Variants in CHD6 observed in about 807,000 individuals in gnomAD.
The protein encoded by CHD6 is chromodomain helicase DNA binding protein 6, also known as ATP-dependent chromatin remodeler CHD6.
Under a neutral mutation model 276.9 loss-of-function variants are expected in CHD6, and 50 were observed. The ratio of observed to expected loss-of-function variants is 0.18; its 90% CI spans 0.14 to 0.23. The LOEUF (loss-of-function observed/expected upper bound fraction) is 0.23, where lower values mean the gene tolerates loss of function less well. Ranked by LOEUF, CHD6 falls within the 10% of genes least tolerant of loss-of-function variation. The probability of loss-of-function intolerance (pLI) is 1.00; values close to 1 mark genes in which losing one functional copy is unlikely to be tolerated. For missense variants in CHD6, 2,564 were observed against 3,365.8 expected (o/e 0.76, Z 5.89); for synonymous variants, 1,173 against 1,229.3 (o/e 0.95, Z 0.96).
intron 1 of CHD6, among the ~76,000 whole-genome samples, chr20:41,594,660 T>C (rs2045699105): frequency 6.6e-6 from 1 of 152,260 alleles, no homozygotes; most frequent in Admixed American, 6.5e-5. Flanking sequence ...TCCTGCTTAA[T>C]CTGTAATGAA....
At chr20:41,604,020 TG>T (rs2045800973) in intron 1 of CHD6, among the ~76,000 whole-genome samples, 2 of 23,970 alleles carry the variant, frequency 8.3e-5, no homozygotes, top group Non-Finnish European at 1.6e-4. Flanking sequence ...ATAGGAAGGG[TG>T]GGGGTGGGTA....
Position 41,404,423 on chromosome 20 carries a change from G to GT in CHD6, c.*169_*170insA. ...GACAACACTTATCTAATGAAGTGGTGAGACCCTGCAACTATTAACATCTGT... is the reference window on the plus strand; with the variant it reads ...GACAACACTTATCTAATGAAGTGGTGTAGACCCTGCAACTATTAACATCTGT... On this transcript the variant is annotated 3_prime_UTR_variant, in exon 37 of 37. Transcript: ENST00000373233. 41 of 1,317,120 alleles carry GT rather than the reference G, an allele frequency of 3.1e-5. No homozygotes were observed. The highest frequency in any genetic ancestry group is 2.6e-4 in the South Asian group (9 of 34,528). The allele number at this position is 1,317,120 out of a possible 1,614,324, so 81.6% of individuals were successfully genotyped here. A position where few individuals can be genotyped will look rare whatever the true frequency, so the allele number is the denominator to read the frequency against.
Position 41,533,151 on chromosome 20 carries a change from T to G in CHD6, c.453A>C (p.Ala151=). 1.2e-6 allele frequency: 2 copies of G among 1,614,172 alleles called. No homozygotes were observed. The highest frequency in any genetic ancestry group is 1.7e-6 in the Non-Finnish European group (2 of 1,180,028). Residue 151 remains alanine, a synonymous_variant, in exon 3 of 37, where the codon GCA becomes GCC. Coordinates refer to ENST00000373233, the MANE Select transcript of CHD6 (RefSeq NM_032221.5). ...EHKEPKQKDG[A]KKARKPREAS... is the part of the protein sequence containing the mutation. ...CCTCCCGGGGCTTCCGTGCCTTCTTTGCCCCATCTTTTTGCTTCGGCTCCT... is the reference window on the plus strand; with the variant it reads ...CCTCCCGGGGCTTCCGTGCCTTCTTGGCCCCATCTTTTTGCTTCGGCTCCT...
At position 41,489,617 on chromosome 20, in the gene CHD6, C is replaced by T. The variant is rs371483147; in HGVS notation, c.1680+161G>A. Among the ~76,000 whole-genome samples the T allele has an allele frequency of 3.9e-5, 6 of 152,164 alleles. No homozygotes were observed. The East Asian group carries it at 5.8e-4, about 15-fold the overall frequency. Reference sequence around the variant, plus strand: ...TCCTGTGTTGTATCATAAATTAAAACGAGCTACCAGGGAGAGCAGGAGTCA... The same window carrying T: ...TCCTGTGTTGTATCATAAATTAAAATGAGCTACCAGGGAGAGCAGGAGTCA... On this transcript the variant is annotated intron_variant, in intron 12 of 36. Coordinates refer to ENST00000373233, the MANE Select transcript of CHD6 (RefSeq NM_032221.5).
chr20:41,525,098 C>T (rs1184519684), intron 3 of CHD6, among the ~76,000 whole-genome samples: 3 of 152,172 alleles, frequency 2.0e-5, no homozygotes, highest in African/African-American at 4.8e-5. Flanking sequence ...GCTTTCTCTA[C>T]AAGCCTCGCC....
intron 5 of CHD6, 117 bp downstream of exon 5, chr20:41,512,729 A>G: frequency 8.4e-7 from 1 of 1,192,810 alleles, no homozygotes; most frequent in Non-Finnish European, 1.2e-6. Context: ...ATCGAAGGCC[A>G]CAAGCAGCAG....
intron 1 of CHD6, among the ~76,000 whole-genome samples, chr20:41,553,041 A>G (rs1193769700): frequency 2.6e-5 from 4 of 152,246 alleles, no homozygotes; most frequent in Non-Finnish European, 4.4e-5. Context: ...GAAAAAAATT[A>G]TCTCCTAAGC....
intron 27 of CHD6, among the ~76,000 whole-genome samples, chr20:41,427,830 A>C (rs958233541): frequency 1.2e-3 from 181 of 152,244 alleles, no homozygotes; most frequent in Non-Finnish European, 5.4e-4. Flanking sequence ...AAAACAACCT[A>C]CTATGCCTTA....
chr20:41,602,635 T>A (rs557430859), intron 1 of CHD6, among the ~76,000 whole-genome samples: 1 of 152,280 alleles, frequency 6.6e-6, no homozygotes, highest in East Asian at 1.9e-4. Flanking sequence ...GTCAGTGGGG[T>A]CATCACCAGC....
chr20:41,454,128 G>A (rs1012346767), intron 20 of CHD6, among the ~76,000 whole-genome samples: 6 of 152,244 alleles, frequency 3.9e-5, no homozygotes, highest in Middle Eastern at 6.8e-3. Flanking sequence ...TAATCTCAGC[G>A]GGGGTCAAAA....
Position 41,616,942 on chromosome 20 carries a change from A to G in CHD6, c.-24+1398T>C, listed in dbSNP as rs567994572. On this transcript the variant is annotated intron_variant, in intron 1 of 36. Coordinates refer to ENST00000373233, the MANE Select transcript of CHD6 (RefSeq NM_032221.5). ...CAGCTCACATCAGCCTAGGGAGCAA[A>G]ACCGAGTGGTCTGCCCCGGTGTTTT... Among the ~76,000 whole-genome samples, 197 of 152,140 alleles carry G rather than the reference A, an allele frequency of 1.3e-3. 1 individual carries two copies. The highest frequency in any genetic ancestry group is 9.9e-4 in the Non-Finnish European group (67 of 68,018).
intron 1 of CHD6, among the ~76,000 whole-genome samples, chr20:41,578,723 T>A (rs2045501737): frequency 1.4e-5 from 2 of 146,140 alleles, no homozygotes; most frequent in African/African-American, 2.6e-5. Context: ...AAGAAAGAAA[T>A]TTTCTATAAT....
rs551019937 is a variant in CHD6 at position 41,556,288 on chromosome 20, G to GA, written c.-23-4929dup. On this transcript the variant is annotated intron_variant, in intron 1 of 36. Transcript: ENST00000373233. ...AGACCGTGGGGAGACGGGAGAGGGA[G>GA]AGGGAGACCGTGGGGAGACGGGAGA... 4.7e-5 allele frequency among the ~76,000 whole-genome samples: 7 copies of GA among 148,944 alleles called. No individual in the cohort carries two copies. In the South Asian group the frequency reaches 1.3e-3, roughly 27 times the overall value.
intron 25 of CHD6, among the ~76,000 whole-genome samples, chr20:41,444,827 G>A (rs950206650): frequency 6.6e-6 from 1 of 152,160 alleles, no homozygotes; most frequent in African/African-American, 2.4e-5. Context: ...TTGTATAAGT[G>A]AGAAAATAAG....
chr20:41,605,688 A>G (rs1452549700), intron 1 of CHD6, among the ~76,000 whole-genome samples: 1 of 152,236 alleles, frequency 6.6e-6, no homozygotes, highest in Non-Finnish European at 1.5e-5. Context: ...TGGATAAACC[A>G]CATGTAAGAC....
intron 1 of CHD6, among the ~76,000 whole-genome samples, chr20:41,596,649 G>C (rs1400442213): frequency 6.6e-6 from 1 of 151,856 alleles, no homozygotes; most frequent in Non-Finnish European, 1.5e-5. Flanking sequence ...AGGAATCAGT[G>C]CCTTGAACCC....
intron 3 of CHD6, among the ~76,000 whole-genome samples, chr20:41,532,369 ATC>A (rs945436834): frequency 6.6e-6 from 1 of 152,176 alleles, no homozygotes; most frequent in Non-Finnish European, 1.5e-5. Context: ...GTCCTCATCT[ATC>A]TGGAAATCTG....
intron 17 of CHD6, among the ~76,000 whole-genome samples, chr20:41,465,801 TA>T (rs1244360750): frequency 2.0e-5 from 3 of 152,196 alleles, no homozygotes; most frequent in Non-Finnish European, 4.4e-5. Context: ...AATAATGAAG[TA>T]AAATGCTTAA....
At position 41,420,652 on chromosome 20, in the gene CHD6, G is replaced by A; in HGVS notation, c.5983C>T (p.Leu1995Phe). The A allele has an allele frequency of 6.2e-7, 1 of 1,614,178 alleles. No homozygotes were observed. Among genetic ancestry groups the A allele is most frequent in the Non-Finnish European group, 8.5e-7 (1 of 1,180,028 alleles). ...PSQPFKVKHE[L>F]LKEPWKESAE... ...CTTTCTTTCCAAGGTTCTTTTAAAA[G>A]CTCATGCTTCACTTTAAACGGCTGT... is the stretch of plus-strand genomic sequence containing the variant. Residue 1995 changes from leucine to phenylalanine, a missense_variant, in exon 31 of 37, where the codon CTT (leucine) becomes TTT (phenylalanine). By Grantham distance (22) the Leu-to-Phe change is conservative. This residue lies in a region of CHD6 where 1,024 missense variants were observed against 1,047.9 expected (regional missense o/e 0.98). Transcript: ENST00000373233.
Sources: allele counts gnomAD v4.1 joint callset (sites outside exome capture counted in the v4.1 genomes callset), GRCh38; gene constraint gnomAD v4.1.1; regional missense constraint gnomAD v4.1.1; transcripts MANE v1.5; gene names NCBI Gene and HGNC (gene_info 2026-07-23, HGNC 2026-07-21).